The following IKBKE variants were observed in gnomAD, a reference collection of about 807,000 sequenced individuals.
IKBKE encodes the protein inhibitor of nuclear factor kappa B kinase subunit epsilon.
Under a neutral mutation model 92.1 loss-of-function variants are expected in IKBKE, and 45 were observed. That is an observed-to-expected ratio of 0.49 (90% CI 0.38 to 0.63). The LOEUF is 0.63. IKBKE is among the 20% of genes least tolerant of loss of function. IKBKE has a pLI of 0.00. For synonymous variants in IKBKE, 374 were observed against 380.3 expected, an observed-to-expected ratio of 0.98 and a Z score of 0.19; for missense variants, 700 against 932.8, an observed-to-expected ratio of 0.75 and a Z score of 3.25.
Position 206,485,898 on chromosome 1 carries a change from G to T in IKBKE, c.1616+592G>T, listed in dbSNP as rs1553388536. ...CCCCTCCCCCAGGCCCCAGCTGACT[G>T]TGGGGAGCCGCTGCCTACCTTGCCG... On this transcript the variant is annotated intron_variant, in intron 15 of 21. Transcript: ENST00000581977. This position sits in a 1 kb window ranked among gnomAD's most constrained non-coding sequence, Gnocchi z 5.0. Among the ~76,000 whole-genome samples, 1 of 152,214 alleles carries T rather than the reference G, an allele frequency of 6.6e-6. No individual in the cohort carries two copies. The highest frequency in any genetic ancestry group is 1.5e-5 in the Non-Finnish European group (1 of 68,048).
chr1:206,475,936 G>A (rs1427862271), intron 5 of IKBKE, among the ~76,000 whole-genome samples: 1 of 151,972 alleles, frequency 6.6e-6, no homozygotes, highest in African/African-American at 2.4e-5. Flanking sequence ...TGCCCTTGAG[G>A]ACACAGAGCC....
chr1:206,486,408 G>A (rs1235700890), intron 15 of IKBKE, among the ~76,000 whole-genome samples: 2 of 151,898 alleles, frequency 1.3e-5, no homozygotes, highest in Non-Finnish European at 2.9e-5. Context: ...TTTGGATGAA[G>A]GCTGAGGATC....
At chr1:206,488,139 C>A in intron 16 of IKBKE, 149 bp downstream of exon 16, 1 of 653,626 alleles carries the variant, frequency 1.5e-6, no homozygotes, top group Non-Finnish European at 2.8e-6. Flanking sequence ...GCCCACTAAG[C>A]GGATGGTTCT....
Position 206,490,044 on chromosome 1 carries a change from C to T in IKBKE, c.1694-775C>T, listed in dbSNP as rs1553389897. 6.6e-6 allele frequency among the ~76,000 whole-genome samples: 1 copy of T among 152,170 alleles called. No homozygotes were observed. On this transcript the variant is annotated intron_variant, in intron 16 of 21. Transcript: ENST00000581977. The surrounding 1 kb of genome is among the most constrained non-coding windows in gnomAD (Gnocchi z 5.2). Reference sequence around the variant, plus strand: ...GGAGACAGGCTCAGCGAAGTGAAATCACTCGCCTAGTGCCGCCTGCCAACA... The same window carrying T: ...GGAGACAGGCTCAGCGAAGTGAAATTACTCGCCTAGTGCCGCCTGCCAACA...
In IKBKE at chr1:206,490,376, G is replaced by C. The variant is rs1386815889; in HGVS notation, c.1694-443G>C. On this transcript the variant is annotated intron_variant, in intron 16 of 21. Coordinates refer to ENST00000581977, the MANE Select transcript of IKBKE (RefSeq NM_014002.4). This position sits in a 1 kb window ranked among gnomAD's most constrained non-coding sequence, Gnocchi z 5.2. The stretch of plus-strand genomic sequence containing the variant: ...TGGGCAGAGCGGGGAGGTAGAAGGT[G>C]GTGGCCTGATTTCTCCAGCTCGTTG... Among the ~76,000 whole-genome samples the C allele has an allele frequency of 6.6e-6, 1 of 152,152 alleles. No individual in the cohort carries two copies. Among genetic ancestry groups the C allele is most frequent in the Non-Finnish European group, 1.5e-5 (1 of 68,010 alleles).
In IKBKE at chr1:206,478,220, G is replaced by T. The variant is rs782687981; in HGVS notation, c.873G>T (p.Lys291Asn). The T allele has an allele frequency of 6.2e-7, 1 of 1,614,212 alleles. No individual in the cohort carries two copies. Among genetic ancestry groups the T allele is most frequent in the Non-Finnish European group, 8.5e-7 (1 of 1,180,048 alleles). Reference sequence around the variant, plus strand: ...ACATCCTGGAGGTGGAGCAGGCCAAGTGCTGGGGCTTCGACCAGTTCTTTG... The same window carrying T: ...ACATCCTGGAGGTGGAGCAGGCCAATTGCTGGGGCTTCGACCAGTTCTTTG... ...LANILEVEQA[K>N]CWGFDQFFAE... is the part of the protein sequence containing the mutation. The change falls in exon 9 of 22, where the codon AAG becomes AAT. Residue 291 changes from lysine to asparagine, a missense_variant. Coordinates refer to ENST00000581977, the MANE Select transcript of IKBKE (RefSeq NM_014002.4). The surrounding 1 kb of genome is among the most constrained non-coding windows in gnomAD (Gnocchi z 4.8).
At position 206,487,914 on chromosome 1, in the gene IKBKE, C is replaced by A. The variant is rs1553389193; in HGVS notation, c.1617C>A (p.Ser539Arg). Residue 539 changes from serine to arginine, a missense_variant and splice_region_variant, in exon 16 of 22, where the codon AGC becomes AGA. Transcript: ENST00000581977. This position sits in a 1 kb window ranked among gnomAD's most constrained non-coding sequence, Gnocchi z 5.3. ...KSRDQVHEDRSIQQIQCCLDK... is the reference protein window; with the variant it reads ...KSRDQVHEDRRIQQIQCCLDK... ...CCTGGTCCCTGTCTCCTGCCCACAG[C>A]ATCCAGCAGATTCAGTGCTGTTTGG... 3 of 1,613,140 alleles carry A rather than the reference C, an allele frequency of 1.9e-6. No homozygotes were observed. In the South Asian group the frequency reaches 3.3e-5, roughly 18 times the overall value.
chr1:206,489,407 A>G (rs1158232811), intron 16 of IKBKE, among the ~76,000 whole-genome samples: 1 of 148,380 alleles, frequency 6.7e-6, no homozygotes, highest in African/African-American at 2.5e-5. Context: ...ATATACACAC[A>G]CACACATACA....
At chr1:206,473,682 G>A (rs1164176900) in intron 3 of IKBKE, among the ~76,000 whole-genome samples, 3 of 152,146 alleles carry the variant, frequency 2.0e-5, no homozygotes, top group South Asian at 2.1e-4. Context: ...AGTGGTAGCC[G>A]GCCGGGCACG....
Position 206,479,062 on chromosome 1 carries a change from C to T in IKBKE, c.1112C>T (p.Ala371Val), listed in dbSNP as rs1665224755. Reference sequence around the variant, plus strand: ...CCCAGCGTCTCAGCACAGCACATCGCCCACACGACGGCAAGCAGCCCCCTG... The same window carrying T: ...CCCAGCGTCTCAGCACAGCACATCGTCCACACGACGGCAAGCAGCCCCCTG... ...LEPSVSAQHIAHTTASSPLTL... is the reference protein window; with the variant it reads ...LEPSVSAQHIVHTTASSPLTL... Residue 371 changes from alanine to valine, a missense_variant, in exon 10 of 22, where the codon GCC becomes GTC. Coordinates refer to ENST00000581977, the MANE Select transcript of IKBKE (RefSeq NM_014002.4). 1 of 1,613,860 alleles carries T rather than the reference C, an allele frequency of 6.2e-7. No homozygotes were observed. The highest frequency in any genetic ancestry group is 1.3e-5 in the African/African-American group (1 of 74,912).
intron 13 of IKBKE, among the ~76,000 whole-genome samples, 185 bp from the exon 14 acceptor site, chr1:206,484,812 T>A (rs1665570127): frequency 6.6e-6 from 1 of 152,156 alleles, no homozygotes; most frequent in African/African-American, 2.4e-5. Context: ...TGTCACAACT[T>A]GGGTAAGCAG....
rs12730551 is a variant in IKBKE, at chr1:206,475,510, G to A, written c.358+516G>A. Among the ~76,000 whole-genome samples the A allele has an allele frequency of 8.7e-4, 133 of 152,276 alleles. 1 individual carries two copies. Among genetic ancestry groups the A allele is most frequent in the Admixed American group, 1.8e-3 (27 of 15,292 alleles). ...AGCACTTTGGGAGGCCCAAGTGGGC[G>A]GATCATTTGAGGTTGGGGGTTTGAG... On this transcript the variant is annotated intron_variant, in intron 5 of 21. Coordinates refer to ENST00000581977, the MANE Select transcript of IKBKE (RefSeq NM_014002.4).
chr1:206,474,596 T>C (rs906148896), intron 4 of IKBKE, 125 bp downstream of exon 4: 6 of 1,057,728 alleles, frequency 5.7e-6, no homozygotes, highest in African/African-American at 4.8e-5. Context: ...AGCAGGCAAA[T>C]TGCAGAAGGG....
Position 206,487,790 on chromosome 1 carries a change from C to T in IKBKE, c.1617-124C>T. The T allele has an allele frequency of 1.4e-6, 1 of 721,320 alleles. No individual in the cohort carries two copies. Among genetic ancestry groups the T allele is most frequent in the Non-Finnish European group, 2.4e-6 (1 of 412,188 alleles). 44.7% of individuals were successfully genotyped at this position (721,320 alleles called of 1,614,324 possible). A position where few individuals can be genotyped will look rare whatever the true frequency, so the allele number is the denominator to read the frequency against. On this transcript the variant is annotated intron_variant, in intron 15 of 21. Transcript: ENST00000581977. The surrounding 1 kb of genome is among the most constrained non-coding windows in gnomAD (Gnocchi z 5.3). Reference sequence around the variant, plus strand: ...CGGGACAGCCACCTCCACTCCCAGACTGATCCCCCAAAACTGTGGCTGTGA... The same window carrying T: ...CGGGACAGCCACCTCCACTCCCAGATTGATCCCCCAAAACTGTGGCTGTGA...
In IKBKE at chr1:206,479,069, G is replaced by A. The variant is rs782153005; in HGVS notation, c.1119G>A (p.Thr373=). ...PSVSAQHIAH[T]TASSPLTLFS... is the part of the protein sequence containing the mutation. The stretch of plus-strand genomic sequence containing the variant: ...TCTCAGCACAGCACATCGCCCACAC[G>A]ACGGCAAGCAGCCCCCTGACCCTCT... Residue 373 remains threonine, a synonymous_variant, in exon 10 of 22, where the codon ACG becomes ACA. Coordinates refer to ENST00000581977, the MANE Select transcript of IKBKE (RefSeq NM_014002.4). 27 of 1,613,734 alleles carry A rather than the reference G, an allele frequency of 1.7e-5. No homozygotes were observed. The highest frequency in any genetic ancestry group is 2.2e-5 in the South Asian group (2 of 91,082).
chr1:206,478,143 A>G lies in IKBKE; in HGVS notation c.813-17A>G, dbSNP rs1553385943. Reference sequence around the variant, plus strand: ...TGGGCCCCCACCCCTGACAGTCTCCATGTCCTGGGAGGGCAGGGGGCTGCA... The same window carrying G: ...TGGGCCCCCACCCCTGACAGTCTCCGTGTCCTGGGAGGGCAGGGGGCTGCA... On this transcript the variant is annotated splice_polypyrimidine_tract_variant and intron_variant, in intron 8 of 21. Transcript: ENST00000581977. The surrounding 1 kb of genome is among the most constrained non-coding windows in gnomAD (Gnocchi z 4.8). 1 of 1,611,210 alleles carries G rather than the reference A, an allele frequency of 6.2e-7. No homozygotes were observed. The highest frequency in any genetic ancestry group is 1.7e-5 in the Admixed American group (1 of 59,886).
intron 13 of IKBKE, 132 bp from the exon 14 acceptor site, chr1:206,484,865 C>T (rs1157827272): frequency 2.9e-6 from 2 of 701,238 alleles, no homozygotes; most frequent in Non-Finnish European, 5.0e-6. Context: ...CACAAAACTT[C>T]CCAGAGACCC....
chr1:206,491,355 C>T (rs1208764175), intron 17 of IKBKE: 10 of 393,954 alleles, frequency 2.5e-5, no homozygotes, highest in African/African-American at 2.1e-4. Context: ...GGCTGCCTCA[C>T]TTTCCCTTCC....
rs1402224453 is a variant in IKBKE at position 206,487,534 on chromosome 1, T to C, written c.1617-380T>C. Among the ~76,000 whole-genome samples the C allele has an allele frequency of 6.6e-6, 1 of 152,172 alleles. No homozygotes were observed. The highest frequency in any genetic ancestry group is 6.5e-5 in the Admixed American group (1 of 15,276). On this transcript the variant is annotated intron_variant, in intron 15 of 21. Transcript: ENST00000581977. The surrounding 1 kb of genome is among the most constrained non-coding windows in gnomAD (Gnocchi z 5.3). Reference sequence around the variant, plus strand: ...GCTCCCCTCTATCCCCAGCTGTCACTGCCAGACACGCTCTTAGGTTTCAGG... The same window carrying C: ...GCTCCCCTCTATCCCCAGCTGTCACCGCCAGACACGCTCTTAGGTTTCAGG...
Sources: gnomAD v4.1 joint callset for allele counts (sites outside exome capture counted in the v4.1 genomes callset) on GRCh38, gnomAD v4.1.1 for gene constraint, Gnocchi (gnomAD v3.1) non-coding constraint, MANE v1.5 for transcripts, NCBI Gene and HGNC (gene_info 2026-07-23, HGNC 2026-07-21) for gene names.